The following RANBP2 variants were observed in gnomAD, a reference collection of about 807,000 sequenced individuals.
The protein encoded by RANBP2 is E3 SUMO-protein ligase RanBP2.
In RANBP2, 57 loss-of-function variants were observed where a neutral mutation model predicts 303.6. The observed-to-expected ratio is 0.19, with a 90% CI of 0.15 to 0.23. The LOEUF (loss-of-function observed/expected upper bound fraction) is 0.23. Among genes scored for constraint, RANBP2 ranks in the 10% least tolerant of loss-of-function variants. The probability of loss-of-function intolerance (pLI) is 1.00; values close to 1 mark genes in which losing one functional copy is unlikely to be tolerated. For missense variants in RANBP2, 3,138 were observed against 3,780.8 expected, an observed-to-expected ratio of 0.83 and a Z score of 4.46; for synonymous variants, 1,167 against 1,301.5, an observed-to-expected ratio of 0.90 and a Z score of 2.23.
the RANBP2 span, among the ~76,000 whole-genome samples, chr2:109,272,095 G>T: frequency 6.6e-6 from 1 of 152,188 alleles, no homozygotes; most frequent in Admixed American, 6.5e-5. Flanking sequence ...CCACCACTCA[G>T]GGCAGCCCGT....
chr2:109,544,821 C>T, the RANBP2 span: 1 of 744,598 alleles, frequency 1.3e-6, no homozygotes, highest in Non-Finnish European at 1.6e-6. Context: ...TACCAGACAA[C>T]TGCTCTAGGC....
the RANBP2 span, among the ~76,000 whole-genome samples, chr2:109,687,612 T>C: frequency 1.3e-5 from 2 of 152,180 alleles, no homozygotes; most frequent in Non-Finnish European, 2.9e-5. Flanking sequence ...GTCTTCAACC[T>C]GAGTGTACAC....
chr2:109,489,254 G>GA, the RANBP2 span, among the ~76,000 whole-genome samples: 1 of 152,260 alleles, frequency 6.6e-6, no homozygotes, highest in African/African-American at 2.4e-5. Flanking sequence ...GGGTGATGGG[G>GA]ATGGTCCCTT....
chr2:109,184,568 A>T, the RANBP2 span, among the ~76,000 whole-genome samples: 2 of 152,214 alleles, frequency 1.3e-5, no homozygotes, highest in Admixed American at 6.5e-5. Context: ...AGCCCCTCTG[A>T]TCCAGGTTGT....
At chr2:109,587,704 G>C in the RANBP2 span, among the ~76,000 whole-genome samples, 7 of 152,108 alleles carry the variant, frequency 4.6e-5, no homozygotes, top group Non-Finnish European at 4.4e-5. Flanking sequence ...ACAAGGTCAG[G>C]AGATTGAGAC....
At chr2:108,993,390 C>T in the RANBP2 span, among the ~76,000 whole-genome samples, 3 of 152,084 alleles carry the variant, frequency 2.0e-5, no homozygotes, top group African/African-American at 4.8e-5. Flanking sequence ...CCACATTCCA[C>T]GTGGGGGCTG....
the RANBP2 span, among the ~76,000 whole-genome samples, chr2:109,648,292 G>GAAAACATTCTCTGTGC: frequency 9.2e-5 from 14 of 152,214 alleles, no homozygotes; most frequent in African/African-American, 3.4e-4. Flanking sequence ...GGGATCTGTG[G>GAAAACATTCTCTGTGC]ACAACATTCT....
the RANBP2 span, among the ~76,000 whole-genome samples, chr2:108,964,232 A>G: frequency 9.2e-5 from 14 of 152,176 alleles, no homozygotes; most frequent in African/African-American, 2.9e-4. Flanking sequence ...TTTTTTATTT[A>G]CTCCTGGGGA....
chr2:109,347,542 C>G, the RANBP2 span: 1 of 1,237,094 alleles, frequency 8.1e-7, no homozygotes, highest in East Asian at 2.6e-5. Context: ...ATATTTTCCA[C>G]TTGCGGGGCA....
At chr2:109,271,007 C>T in the RANBP2 span, among the ~76,000 whole-genome samples, 1 of 152,208 alleles carries the variant, frequency 6.6e-6, no homozygotes, top group African/African-American at 2.4e-5. Context: ...TGGGTCACCC[C>T]TCATTGAACA....
chr2:108,762,436 G>C (rs1436949827), intron 19 of RANBP2, among the ~76,000 whole-genome samples: 4 of 67,784 alleles, frequency 5.9e-5, no homozygotes, highest in African/African-American at 2.3e-4. Flanking sequence ...ATCCTTCATC[G>C]TTCTGTTTTA....
At chr2:109,104,702 C>G in the RANBP2 span, among the ~76,000 whole-genome samples, 1 of 152,108 alleles carries the variant, frequency 6.6e-6, no homozygotes, top group Non-Finnish European at 1.5e-5. Context: ...CCAGGATGGT[C>G]TTGATCTCCT....
chr2:109,584,860 C>G, the RANBP2 span, among the ~76,000 whole-genome samples: 1 of 152,018 alleles, frequency 6.6e-6, no homozygotes, highest in Non-Finnish European at 1.5e-5. Context: ...ATTTGCATGT[C>G]AGGAAATAAT....
At chr2:109,618,311 A>G in the RANBP2 span, 1 of 166,806 alleles carries the variant, frequency 6.0e-6, no homozygotes, top group African/African-American at 2.4e-5. Context: ...AGTAACTCTA[A>G]AGAGCAGATG....
chr2:109,612,679 C>A, the RANBP2 span, among the ~76,000 whole-genome samples: 32,945 of 152,142 alleles, frequency 0.22, 3,626 homozygotes, highest in South Asian at 0.26. Flanking sequence ...ATTTATAAAA[C>A]ACATTTTCCT....
the RANBP2 span, among the ~76,000 whole-genome samples, chr2:108,878,659 A>C: frequency 6.6e-6 from 1 of 152,234 alleles, no homozygotes; most frequent in Non-Finnish European, 1.5e-5. Flanking sequence ...TTATTTGAAA[A>C]AAATTGTTTT....
intron 4 of RANBP2, among the ~76,000 whole-genome samples, chr2:108,733,319 G>A (rs1212487822): frequency 2.3e-5 from 3 of 129,534 alleles, no homozygotes; most frequent in African/African-American, 9.2e-5. Flanking sequence ...ATGCTGGAGT[G>A]CAGTGGTGCT....
At chr2:108,786,553 A>G (rs2149344658), downstream of RANBP2, among the ~76,000 whole-genome samples, 1 of 152,042 alleles carries the variant, frequency 6.6e-6, no homozygotes, top group East Asian at 1.9e-4. Flanking sequence ...GTGCCCCTCA[A>G]CCCGTGGCAC....
the RANBP2 span, among the ~76,000 whole-genome samples, chr2:109,683,003 T>G: frequency 3.9e-5 from 6 of 151,904 alleles, no homozygotes; most frequent in African/African-American, 1.5e-4. Context: ...AGAAGGAGGG[T>G]GTATACTTTT....
Sources: gnomAD v4.1 joint callset for allele counts (sites outside exome capture counted in the v4.1 genomes callset) on GRCh38, gnomAD v4.1.1 for gene constraint, MANE v1.5 for transcripts, NCBI Gene and HGNC (gene_info 2026-07-23, HGNC 2026-07-21) for gene names.